The following TPGS2 variants were observed in gnomAD, a reference collection of about 807,000 sequenced individuals.
TPGS2 encodes polyglutamylase subunit 2.
In TPGS2, 26 loss-of-function variants were observed where a neutral mutation model predicts 31.1. That is an observed-to-expected ratio of 0.84 (90% CI 0.61 to 1.16). The LOEUF (loss-of-function observed/expected upper bound fraction) is 1.16. Among genes scored for constraint, TPGS2 ranks in the 50% most tolerant of loss-of-function variants. The probability of loss-of-function intolerance (pLI) is 0.00; values close to 1 mark genes in which losing one functional copy is unlikely to be tolerated. For synonymous variants in TPGS2, 130 were observed against 136.6 expected (o/e 0.95, Z 0.34); for missense variants, 351 against 363.8 (o/e 0.96, Z 0.29).
chr18:36,790,864 A>G (rs1413702395), downstream of TPGS2, among the ~76,000 whole-genome samples: 3 of 152,184 alleles, frequency 2.0e-5, no homozygotes, highest in East Asian at 5.8e-4. Flanking sequence ...AGGTTTATTA[A>G]TATTTCATGG....
At chr18:36,789,171 T>C (rs751696114), downstream of TPGS2, 2 of 152,134 alleles carry the variant, frequency 1.3e-5, no homozygotes, top group Non-Finnish European at 2.9e-5. Flanking sequence ...AAAAGTAATA[T>C]GTAAAGTAGA....
At chr18:36,814,328 A>G (rs2045560520) in intron 2 of TPGS2, among the ~76,000 whole-genome samples, 1 of 152,254 alleles carries the variant, frequency 6.6e-6, no homozygotes, top group African/African-American at 2.4e-5. Context: ...CACAATGAAC[A>G]TGAATCATAC....
chr18:36,805,595 T>C, intron 3 of TPGS2, 93 bp from the exon 4 acceptor site: 1 of 1,552,944 alleles, frequency 6.4e-7, no homozygotes, highest in South Asian at 1.2e-5. Flanking sequence ...TAAGCCCAGG[T>C]ATTGTTTCGC....
chr18:36,813,862 C>T (rs535689269), intron 2 of TPGS2, among the ~76,000 whole-genome samples: 8 of 152,248 alleles, frequency 5.3e-5, no homozygotes, highest in African/African-American at 1.9e-4. Context: ...AGAGAATCTC[C>T]CAGGCAGAGT....
intron 2 of TPGS2, among the ~76,000 whole-genome samples, chr18:36,814,123 T>C (rs1326771576): frequency 1.3e-5 from 2 of 152,250 alleles, no homozygotes; most frequent in Non-Finnish European, 2.9e-5. Flanking sequence ...TTGGAGGGTG[T>C]AACCAATCAA....
At chr18:36,798,274 TAA>T (rs2044629558) in intron 6 of TPGS2, 173 bp downstream of exon 6, 1 of 1,426,786 alleles carries the variant, frequency 7.0e-7, no homozygotes, top group Non-Finnish European at 9.2e-7. Flanking sequence ...ACTAGATGAG[TAA>T]AGTGAGGCTG....
At chr18:36,783,049 C>A in exon 7 of TPGS2, 1 of 398,542 alleles carries the variant, frequency 2.5e-6, no homozygotes, top group Non-Finnish European at 4.4e-6. Flanking sequence ...GCTCTAGAAC[C>A]TTCTGCTCCG....
rs992058657 is a variant in TPGS2, at chr18:36,795,308, G to A, written c.*1497C>T. 6 of 985,598 alleles carry A rather than the reference G, an allele frequency of 6.1e-6. No individual in the cohort carries two copies. The highest frequency in any genetic ancestry group is 6.0e-6 in the Non-Finnish European group (5 of 830,068). The allele number at this position is 985,598 out of a possible 1,614,324, so 61.1% of individuals were successfully genotyped here. A position where few individuals can be genotyped will look rare whatever the true frequency, so the allele number is the denominator to read the frequency against. The stretch of plus-strand genomic sequence containing the variant: ...TCGATTAGCAGGTAGACAGTGCAAA[G>A]GAAGGAAGTCTGGCCAATCACCGGG... On this transcript the variant is annotated 3_prime_UTR_variant, in exon 7 of 7. Coordinates refer to ENST00000334295, the MANE Select transcript of TPGS2 (RefSeq NM_015476.4).
downstream of TPGS2, among the ~76,000 whole-genome samples, chr18:36,793,493 C>A (rs980385374): frequency 2.0e-5 from 3 of 152,140 alleles, no homozygotes; most frequent in African/African-American, 7.2e-5. Context: ...CATGAATGAC[C>A]TATGTCATTC....
At chr18:36,791,402 G>A (rs953682771), downstream of TPGS2, among the ~76,000 whole-genome samples, 7 of 152,166 alleles carry the variant, frequency 4.6e-5, no homozygotes, top group Non-Finnish European at 1.0e-4. Context: ...TCACCTCAAG[G>A]AGGGTTCTCC....
downstream of TPGS2, among the ~76,000 whole-genome samples, chr18:36,792,231 A>G (rs2044336898): frequency 6.6e-6 from 1 of 152,188 alleles, no homozygotes; most frequent in African/African-American, 2.4e-5. Flanking sequence ...TTGCTAAAAC[A>G]TAAAGCAGTG....
intron 2 of TPGS2, among the ~76,000 whole-genome samples, chr18:36,812,966 A>G (rs888921286): frequency 6.6e-6 from 1 of 152,220 alleles, no homozygotes; most frequent in Admixed American, 6.5e-5. Context: ...GAGGAAAAAC[A>G]GTGTGTGTTT....
At chr18:36,797,090 GA>G in intron 6 of TPGS2, 40 bp from the exon 7 acceptor site, 1 of 1,594,696 alleles carries the variant, frequency 6.3e-7, no homozygotes, top group Admixed American at 1.8e-5. Context: ...CAATTCAAAG[GA>G]AAAATGCCAT....
At chr18:36,790,123 GTC>G (rs763972249), downstream of TPGS2, 1 of 152,172 alleles carries the variant, frequency 6.6e-6, no homozygotes, top group African/African-American at 2.4e-5. Flanking sequence ...AGAAGATACA[GTC>G]TCTCCTCAGC....
chr18:36,780,292 A>C, downstream of TPGS2: 1 of 856,536 alleles, frequency 1.2e-6, no homozygotes, highest in Non-Finnish European at 1.5e-6. Flanking sequence ...GCTGTTGTTA[A>C]CCTAACATCT....
chr18:36,784,263 T>C (rs1401648623), intron 6 of TPGS2, among the ~76,000 whole-genome samples: 2 of 152,256 alleles, frequency 1.3e-5, no homozygotes, highest in Non-Finnish European at 2.9e-5. Flanking sequence ...GCACCCGTTA[T>C]GGAGGTAACT....
intron 2 of TPGS2, among the ~76,000 whole-genome samples, chr18:36,812,849 T>G (rs1349415851): frequency 6.6e-6 from 1 of 152,212 alleles, no homozygotes; most frequent in African/African-American, 2.4e-5. Context: ...CAGCTGGTAT[T>G]CACTGCAGAA....
chr18:36,828,618 C>T (rs1451341867), intron 1 of TPGS2, 65 bp downstream of exon 1: 2 of 1,576,022 alleles, frequency 1.3e-6, no homozygotes, highest in Non-Finnish European at 1.7e-6. Flanking sequence ...CACCCCGCAC[C>T]TCATCCCTCC....
rs2044442838 is a variant in TPGS2 at position 36,794,763 on chromosome 18, T to TAATA, written c.*2038_*2041dup. On this transcript the variant is annotated 3_prime_UTR_variant, in exon 7 of 7. Coordinates refer to ENST00000334295, the MANE Select transcript of TPGS2 (RefSeq NM_015476.4). ...TGCACATTTATAAATCCTTGAAGTA[T>TAATA]AATAACCTAAACAACTAAAAGGGCC... is the stretch of plus-strand genomic sequence containing the variant. 6.1e-6 allele frequency: 6 copies of TAATA among 984,784 alleles called. No individual in the cohort carries two copies. The highest frequency in any genetic ancestry group is 9.4e-5 in the South Asian group (2 of 21,254). The allele number at this position is 984,784 out of a possible 1,614,324, so 61.0% of individuals were successfully genotyped here.
Sources: allele counts gnomAD v4.1 joint callset (sites outside exome capture counted in the v4.1 genomes callset), GRCh38; gene constraint gnomAD v4.1.1; transcripts MANE v1.5; gene names NCBI Gene and HGNC (gene_info 2026-07-23, HGNC 2026-07-21).